Variants in SCAF8 observed in about 807,000 individuals in gnomAD.
SCAF8 encodes SR-related CTD associated factor 8, also known as SR-related and CTD-associated factor 8.
In SCAF8, 23 loss-of-function variants were observed where a neutral mutation model predicts 140.5. The ratio of observed to expected loss-of-function variants is 0.16; its 90% CI spans 0.12 to 0.23. SCAF8 has a LOEUF of 0.23. SCAF8 is among the 10% of genes least tolerant of loss of function. SCAF8 has a pLI of 1.00. For synonymous variants in SCAF8, 575 were observed against 528.9 expected (o/e 1.09, Z -1.20); for missense variants, 1,397 against 1,555.7 (o/e 0.90, Z 1.72).
chr6:154,796,003 C>T (rs908436881), intron 6 of SCAF8, among the ~76,000 whole-genome samples: 4 of 151,914 alleles, frequency 2.6e-5, no homozygotes, highest in Non-Finnish European at 5.9e-5. Context: ...AGCTGATTTT[C>T]TTTCATTTTC....
chr6:154,785,461 ATGGGTTTG>A (rs1030533069), intron 3 of SCAF8, among the ~76,000 whole-genome samples: 1 of 152,188 alleles, frequency 6.6e-6, no homozygotes, highest in Non-Finnish European at 1.5e-5. Flanking sequence ...CTCGCAATGC[ATGGGTTTG>A]TGGTGCTCCC....
chr6:154,747,685 A>T (rs1778735620), intron 1 of SCAF8, among the ~76,000 whole-genome samples: 1 of 152,208 alleles, frequency 6.6e-6, no homozygotes, highest in Non-Finnish European at 1.5e-5. Flanking sequence ...AGAACAGTAT[A>T]GCTCATAAAG....
Position 154,833,247 on chromosome 6 carries a change from C to A in SCAF8, c.3668C>A (p.Ala1223Asp), listed in dbSNP as rs199949550. ...AATGGTGAAAATACAGAGAGACATG[C>A]TCAGCCACCACCTATACCAGTACAG... ...QVNGENTERH[A>D]QPPPIPVQND... Residue 1223 changes from alanine to aspartate, a missense_variant, in exon 20 of 20, where the codon GCT (alanine) becomes GAT (aspartate). Coordinates refer to ENST00000367178, the MANE Select transcript of SCAF8 (RefSeq NM_014892.5). 6.2e-7 allele frequency: 1 copy of A among 1,614,046 alleles called. No individual in the cohort carries two copies. Among genetic ancestry groups the A allele is most frequent in the Admixed American group, 1.7e-5 (1 of 60,016 alleles).
chr6:154,749,922 A>G (rs1328019542), intron 1 of SCAF8, among the ~76,000 whole-genome samples: 1 of 152,188 alleles, frequency 6.6e-6, no homozygotes, highest in African/African-American at 2.4e-5. Flanking sequence ...GAGGGGCTCA[A>G]TTAAAGTAAT....
At chr6:154,788,766 T>C (rs1401945485) in intron 4 of SCAF8, among the ~76,000 whole-genome samples, 1 of 152,210 alleles carries the variant, frequency 6.6e-6, no homozygotes, top group Non-Finnish European at 1.5e-5. Context: ...TGTGTAAATA[T>C]TCTATAAATA....
intron 4 of SCAF8, among the ~76,000 whole-genome samples, chr6:154,790,434 G>A (rs1777379582): frequency 7.0e-6 from 1 of 143,644 alleles, no homozygotes; most frequent in Non-Finnish European, 1.5e-5. Flanking sequence ...AGTTGAACCA[G>A]ATCTTTATTC....
chr6:154,798,730 G>A lies in SCAF8; in HGVS notation c.607-3241G>A, dbSNP rs758398524. 5.9e-5 allele frequency among the ~76,000 whole-genome samples: 9 copies of A among 151,326 alleles called. 2 individuals carry two copies. Among genetic ancestry groups the A allele is most frequent in the Non-Finnish European group, 1.0e-4 (7 of 67,726 alleles). On this transcript the variant is annotated intron_variant, in intron 6 of 19. Coordinates refer to ENST00000367178, the MANE Select transcript of SCAF8 (RefSeq NM_014892.5). ...AGCATGACCCTTTAAATACCTGAGA[G>A]TTCATGCAACTCCTCTGCTCAGAAT...
intron 1 of SCAF8, among the ~76,000 whole-genome samples, chr6:154,756,624 CATG>C (rs1296240391): frequency 1.3e-5 from 2 of 152,182 alleles, no homozygotes; most frequent in African/African-American, 2.4e-5. Context: ...TGAGTTAGAA[CATG>C]ATGATTAACT....
chr6:154,745,086 A>G (rs1448706862), intron 1 of SCAF8, among the ~76,000 whole-genome samples: 2 of 152,244 alleles, frequency 1.3e-5, no homozygotes, highest in African/African-American at 4.8e-5. Flanking sequence ...TGTCCTTACT[A>G]GAGTAAATTC....
intron 4 of SCAF8, among the ~76,000 whole-genome samples, chr6:154,792,213 G>A (rs906583714): frequency 1.3e-5 from 2 of 152,142 alleles, no homozygotes; most frequent in Non-Finnish European, 2.9e-5. Flanking sequence ...TTACGCTTCA[G>A]ATTCTGTCTG....
Position 154,792,909 on chromosome 6 carries a change from C to A in SCAF8, c.408C>A (p.Ala136=). The A allele has an allele frequency of 1.9e-6, 3 of 1,613,772 alleles. No homozygotes were observed. Among genetic ancestry groups the A allele is most frequent in the African/African-American group, 1.3e-5 (1 of 75,010 alleles). ...EIIQPLLDMA[A]GIPPPVVTPV... is the part of the protein sequence containing the mutation. The stretch of plus-strand genomic sequence containing the variant: ...TTCAGCCCCTTTTGGATATGGCAGC[C>A]GGGATTCCGCCTCCAGTTGTCACAC... The change falls in exon 5 of 20, where the codon GCC becomes GCA. Residue 136 remains alanine (A), a synonymous_variant. Transcript: ENST00000367178.
In SCAF8 at chr6:154,795,157, T is replaced by C; in HGVS notation, c.606+18T>C. ...GCCAGCAGGTGAGCGGTTTTTCTGT[T>C]ATATCAAGAATAATTTAGAATTTAA... is the stretch of plus-strand genomic sequence containing the variant. On this transcript the variant is annotated intron_variant, in intron 6 of 19. Transcript: ENST00000367178. The C allele has an allele frequency of 3.1e-6, 5 of 1,590,774 alleles. No homozygotes were observed. The highest frequency in any genetic ancestry group is 4.3e-6 in the Non-Finnish European group (5 of 1,171,524).
At chr6:154,799,507 T>C (rs980982306) in intron 6 of SCAF8, among the ~76,000 whole-genome samples, 1 of 151,390 alleles carries the variant, frequency 6.6e-6, no homozygotes, top group Non-Finnish European at 1.5e-5. Flanking sequence ...CACCAGTTCA[T>C]AGACTTCTCT....
At chr6:154,771,498 TA>T (rs1204747882) in intron 1 of SCAF8, among the ~76,000 whole-genome samples, 3 of 152,178 alleles carry the variant, frequency 2.0e-5, no homozygotes, top group African/African-American at 7.2e-5. Flanking sequence ...GCCTTAAATA[TA>T]CAGGTTTTTT....
chr6:154,741,102 A>T (rs532238353), intron 1 of SCAF8, among the ~76,000 whole-genome samples: 12 of 152,230 alleles, frequency 7.9e-5, no homozygotes, highest in South Asian at 4.1e-4. Context: ...TCTAGTAATT[A>T]TGTTATTTTC....
chr6:154,734,174 G>A (rs1778344928), intron 1 of SCAF8, among the ~76,000 whole-genome samples: 1 of 152,214 alleles, frequency 6.6e-6, no homozygotes. Context: ...GCGTCCTATG[G>A]AATGGCTGCG....
At position 154,822,426 on chromosome 6, in the gene SCAF8, GGTTTTTTTTT is replaced by G. The variant is rs1189912105; in HGVS notation, c.1926+18_1926+27del. 6.4e-7 allele frequency: 1 copy of G among 1,574,380 alleles called. No individual in the cohort carries two copies. Among genetic ancestry groups the G allele is most frequent in the East Asian group, 2.2e-5 (1 of 44,572 alleles). On this transcript the variant is annotated intron_variant, in intron 16 of 19. Coordinates refer to ENST00000367178, the MANE Select transcript of SCAF8 (RefSeq NM_014892.5). ...ATGTTGCAGGTTAGTGTTGAAGTGG[GGTTTTTTTTT>G]TCTTGTGTTGTTTTACATTTCTGTT...
intron 1 of SCAF8, among the ~76,000 whole-genome samples, chr6:154,737,902 C>T (rs533528032): frequency 1.5e-4 from 23 of 152,280 alleles, no homozygotes; most frequent in Non-Finnish European, 2.9e-4. Context: ...GTTTAAAATA[C>T]AAAATACTTA....
At chr6:154,793,832 A>AAG (rs1562449282) in intron 5 of SCAF8, among the ~76,000 whole-genome samples, 1 of 151,592 alleles carries the variant, frequency 6.6e-6, no homozygotes, top group African/African-American at 2.4e-5. Context: ...AAAAAAAAAA[A>AAG]AAAAAAATTT....
Sources: gnomAD v4.1 joint callset for allele counts (sites outside exome capture counted in the v4.1 genomes callset) on GRCh38, gnomAD v4.1.1 for gene constraint, MANE v1.5 for transcripts, NCBI Gene and HGNC (gene_info 2026-07-23, HGNC 2026-07-21) for gene names.